The following PLEKHA7 variants were observed in gnomAD, a reference collection of about 807,000 sequenced individuals.
The protein encoded by PLEKHA7 is pleckstrin homology domain containing A7.
PLEKHA7 carries 104 observed loss-of-function variants against 170.0 expected under a neutral mutation model. The observed-to-expected ratio is 0.61, with a 90% CI of 0.52 to 0.72. The LOEUF (loss-of-function observed/expected upper bound fraction) is 0.72, where lower values mean the gene tolerates loss of function less well. PLEKHA7 is among the 30% of genes least tolerant of loss of function. PLEKHA7 has a pLI of 0.00. For synonymous variants in PLEKHA7, 648 were observed against 660.8 expected, an observed-to-expected ratio of 0.98 and a Z score of 0.30; for missense variants, 1,615 against 1,671.7, an observed-to-expected ratio of 0.97 and a Z score of 0.59.
intron 3 of PLEKHA7, among the ~76,000 whole-genome samples, chr11:17,009,297 G>A (rs553441999): frequency 6.6e-6 from 1 of 152,192 alleles, no homozygotes; most frequent in East Asian, 1.9e-4. Flanking sequence ...TGCCTCCAGG[G>A]GCTGCTATAA....
Position 16,847,266 on chromosome 11 carries a change from G to A in PLEKHA7, c.696+3925C>T, listed in dbSNP as rs531032080. Among the ~76,000 whole-genome samples the A allele has an allele frequency of 8.6e-5, 13 of 151,584 alleles. No homozygotes were observed. In the East Asian group the frequency reaches 2.6e-3, roughly 30 times the overall value. ...CGCCAGCCACCACACCCAGCAAATT[G>A]TATTTTTAGTAGAGATGGGGTTTCA... On this transcript the variant is annotated intron_variant, in intron 8 of 26. Transcript: ENST00000531066.
intron 13 of PLEKHA7, among the ~76,000 whole-genome samples, chr11:16,808,955 A>G (rs977554718): frequency 3.3e-5 from 5 of 152,142 alleles, no homozygotes; most frequent in African/African-American, 1.2e-4. Flanking sequence ...AAGTTACTTT[A>G]TTTCTCTGAC....
intron 3 of PLEKHA7, among the ~76,000 whole-genome samples, chr11:16,896,130 T>A (rs1856977606): frequency 1.3e-5 from 2 of 152,206 alleles, no homozygotes; most frequent in Non-Finnish European, 1.5e-5. Flanking sequence ...CCGTCCACTC[T>A]CTAGAGTCCC....
intron 9 of PLEKHA7, among the ~76,000 whole-genome samples, chr11:16,836,854 C>T (rs542021754): frequency 6.6e-6 from 1 of 150,774 alleles, no homozygotes; most frequent in South Asian, 2.1e-4. Context: ...GACAAAGTCT[C>T]ACTCTGTCGC....
chr11:16,877,992 C>T lies in PLEKHA7; in HGVS notation c.222-6810G>A, dbSNP rs539194554. ...CTTGACTATAGCAATGACTAACAGG[C>T]ATCTACATTTTAACAGGGCAAGAAT... On this transcript the variant is annotated intron_variant, in intron 3 of 26. Transcript: ENST00000531066. 1.3e-4 allele frequency among the ~76,000 whole-genome samples: 20 copies of T among 152,332 alleles called. No individual in the cohort carries two copies. In the South Asian group the frequency reaches 4.1e-3, roughly 32 times the overall value.
chr11:16,800,541 C>T (rs1328076460), intron 17 of PLEKHA7, among the ~76,000 whole-genome samples: 4 of 152,194 alleles, frequency 2.6e-5, no homozygotes, highest in Non-Finnish European at 5.9e-5. Flanking sequence ...CTGTCTCCCT[C>T]TGGTAGAGGT....
chr11:16,968,939 T>G (rs1862547343), intron 3 of PLEKHA7, among the ~76,000 whole-genome samples: 1 of 152,216 alleles, frequency 6.6e-6, no homozygotes, highest in Non-Finnish European at 1.5e-5. Context: ...ATGTCTAACC[T>G]AGGTCCTTCC....
chr11:16,783,887 G>T, intron 24 of PLEKHA7, 54 bp from the exon 25 acceptor site: 2 of 1,358,686 alleles, frequency 1.5e-6, no homozygotes, highest in Non-Finnish European at 9.5e-7. Context: ...CTGGGTTTAG[G>T]ACTCGCTTTC....
At chr11:16,935,159 G>A (rs944710107) in intron 3 of PLEKHA7, among the ~76,000 whole-genome samples, 3 of 152,240 alleles carry the variant, frequency 2.0e-5, no homozygotes, top group African/African-American at 4.8e-5. Flanking sequence ...GTGAGGCTGG[G>A]CATGGTGGCT....
rs749836192 is a variant in PLEKHA7 at position 16,789,825 on chromosome 11, C to T, written c.3106G>A (p.Val1036Ile). The stretch of plus-strand genomic sequence containing the variant: ...GCATTGAGACCCCTCCGGAGTGTGA[C>T]GTAGGGAGCAATGGTGGACGACTGC... ...LQQSSTIAPYVTLRRGLNAES... is the reference protein window; with the variant it reads ...LQQSSTIAPYITLRRGLNAES... Residue 1036 changes from valine to isoleucine, a missense_variant, in exon 22 of 27, where the codon GTC (valine) becomes ATC (isoleucine). Coordinates refer to ENST00000531066, the MANE Select transcript of PLEKHA7 (RefSeq NM_001329630.2). The surrounding 1 kb of genome is among the most constrained non-coding windows in gnomAD (Gnocchi z 4.6). The T allele has an allele frequency of 1.4e-5, 22 of 1,613,994 alleles. No individual in the cohort carries two copies. The highest frequency in any genetic ancestry group is 4.0e-5 in the African/African-American group (3 of 74,922).
At chr11:16,994,204 T>C (rs6486335) in intron 3 of PLEKHA7, among the ~76,000 whole-genome samples, 92,578 of 152,082 alleles carry the variant, frequency 0.61, 28,882 homozygotes, top group East Asian at 0.96. Context: ...CTGTGCACTG[T>C]GCAAAGCTGC....
At chr11:16,962,170 G>A (rs2136626286) in intron 3 of PLEKHA7, among the ~76,000 whole-genome samples, 1 of 152,338 alleles carries the variant, frequency 6.6e-6, no homozygotes, top group East Asian at 1.9e-4. Context: ...TGGTGGCAAA[G>A]TGCTAGAGAC....
At chr11:16,968,367 ACTC>A (rs138405099) in intron 3 of PLEKHA7, among the ~76,000 whole-genome samples, 2 of 152,048 alleles carry the variant, frequency 1.3e-5, no homozygotes, top group Non-Finnish European at 2.9e-5. Flanking sequence ...CTCCAGCTCT[ACTC>A]CTGCTCAACT....
At position 16,855,052 on chromosome 11, in the gene PLEKHA7, C is replaced by A; in HGVS notation, c.418-59G>T. On this transcript the variant is annotated intron_variant, in intron 5 of 26. Coordinates refer to ENST00000531066, the MANE Select transcript of PLEKHA7 (RefSeq NM_001329630.2). ...GAATTTAAGGTGACACAAAAAAGCACTTGTATGTTAGGAGGACCGTCGGCT... is the reference window on the plus strand; with the variant it reads ...GAATTTAAGGTGACACAAAAAAGCAATTGTATGTTAGGAGGACCGTCGGCT... 3 of 1,467,384 alleles carry A rather than the reference C, an allele frequency of 2.0e-6. No homozygotes were observed. The South Asian group carries it at 3.4e-5, about 17-fold the overall frequency. The allele number at this position is 1,467,384 out of a possible 1,614,324, so 90.9% of individuals were successfully genotyped here.
intron 3 of PLEKHA7, among the ~76,000 whole-genome samples, chr11:16,947,349 GGGAGGGCA>G (rs1861093382): frequency 1.3e-5 from 2 of 152,116 alleles, no homozygotes; most frequent in Non-Finnish European, 2.9e-5. Flanking sequence ...CTCATACTTT[GGGAGGGCA>G]AGGCGGGCAG....
At chr11:16,831,499 TTTCCCAGCTGGGCTGCTG>T (rs1851107252) in intron 9 of PLEKHA7, among the ~76,000 whole-genome samples, 1 of 152,212 alleles carries the variant, frequency 6.6e-6, no homozygotes, top group Non-Finnish European at 1.5e-5. Flanking sequence ...AACACAAGCC[TTTCCCAGCTGGGCTGCTG>T]TTCCCATGCA....
At chr11:16,942,075 A>G (rs1316161922) in intron 3 of PLEKHA7, among the ~76,000 whole-genome samples, 2 of 152,234 alleles carry the variant, frequency 1.3e-5, no homozygotes, top group Non-Finnish European at 2.9e-5. Flanking sequence ...TATTTGCTCA[A>G]TTAACCCTCA....
chr11:16,823,849 C>T (rs1377692464), intron 10 of PLEKHA7, among the ~76,000 whole-genome samples: 1 of 152,188 alleles, frequency 6.6e-6, no homozygotes, highest in Admixed American at 6.5e-5. Context: ...GATTTGGAAG[C>T]AACCTAAGTG....
At chr11:16,929,646 G>C (rs1169267525) in intron 3 of PLEKHA7, among the ~76,000 whole-genome samples, 2 of 152,236 alleles carry the variant, frequency 1.3e-5, no homozygotes, top group East Asian at 3.8e-4. Flanking sequence ...TTAGGGGGTG[G>C]ATGTAAAAGC....
Sources: allele counts gnomAD v4.1 joint callset (sites outside exome capture counted in the v4.1 genomes callset), GRCh38; gene constraint gnomAD v4.1.1; non-coding constraint Gnocchi (gnomAD v3.1); transcripts MANE v1.5; gene names NCBI Gene and HGNC (gene_info 2026-07-23, HGNC 2026-07-21).